SNTG1: variants seen among roughly 807,000 people sequenced by gnomAD.
SNTG1 encodes the protein syntrophin gamma 1, also known as gamma-1-syntrophin.
SNTG1 carries 39 observed loss-of-function variants against 74.7 expected under a neutral mutation model. That is an observed-to-expected ratio of 0.52 (90% CI 0.40 to 0.68). The LOEUF is 0.68. SNTG1 is among the 30% of genes least tolerant of loss of function. The probability of loss-of-function intolerance (pLI) is 0.00; values close to 1 mark genes in which losing one functional copy is unlikely to be tolerated. For missense variants in SNTG1, 685 were observed against 609.5 expected, an observed-to-expected ratio of 1.12 and a Z score of -1.30; for synonymous variants, 254 against 217.1, an observed-to-expected ratio of 1.17 and a Z score of -1.49.
intron 2 of SNTG1, among the ~76,000 whole-genome samples, chr8:50,369,209 G>A (rs1445880103): frequency 6.6e-6 from 1 of 152,178 alleles, no homozygotes; most frequent in African/African-American, 2.4e-5. Flanking sequence ...CCCCTAATGT[G>A]ACTGTATTTC....
intron 2 of SNTG1, among the ~76,000 whole-genome samples, chr8:50,385,248 G>C (rs1236416326): frequency 6.6e-6 from 1 of 152,168 alleles, no homozygotes; most frequent in Non-Finnish European, 1.5e-5. Flanking sequence ...AGCTTTTTGA[G>C]TCACTTCTCT....
intron 2 of SNTG1, among the ~76,000 whole-genome samples, chr8:50,323,047 C>T (rs753662835): frequency 2.0e-5 from 3 of 147,874 alleles, no homozygotes; most frequent in South Asian, 2.1e-4. Flanking sequence ...ACCTGGGAAA[C>T]GGAGGTTGCA....
At chr8:50,033,119 G>GTTT (rs369907743) in intron 1 of SNTG1, among the ~76,000 whole-genome samples, 10 of 141,516 alleles carry the variant, frequency 7.1e-5, no homozygotes, top group African/African-American at 1.8e-4. Context: ...AATAAAAAGT[G>GTTT]TTTTTTTTTT....
intron 2 of SNTG1, among the ~76,000 whole-genome samples, chr8:50,279,457 T>G (rs886724050): frequency 5.3e-5 from 8 of 152,196 alleles, no homozygotes; most frequent in African/African-American, 1.9e-4. Context: ...ACAGACTGAA[T>G]AAGTAGAACA....
At chr8:50,302,538 T>G (rs1436724861) in intron 2 of SNTG1, among the ~76,000 whole-genome samples, 1 of 152,194 alleles carries the variant, frequency 6.6e-6, no homozygotes. Flanking sequence ...CTCCAAATGT[T>G]CTTACTGAGA....
chr8:50,425,020 A>C (rs1481468), intron 4 of SNTG1, among the ~76,000 whole-genome samples: 92,937 of 152,012 alleles, frequency 0.61, 32,695 homozygotes, highest in East Asian at 0.83. Context: ...AGAAATCAAT[A>C]GTTTTTTTCC....
At chr8:50,482,778 A>G (rs2093752059) in intron 8 of SNTG1, among the ~76,000 whole-genome samples, 1 of 152,170 alleles carries the variant, frequency 6.6e-6, no homozygotes, top group East Asian at 1.9e-4. Context: ...AACTATGCCT[A>G]ATATATGGCC....
Position 50,536,642 on chromosome 8 carries a change from G to T in SNTG1, c.550-36G>T, listed in dbSNP as rs372594121. ...AGATACAGAAACTCAAAGCACAGAA[G>T]AAAAAAATTACGTTGAATATTTATC... is the stretch of plus-strand genomic sequence containing the variant. On this transcript the variant is annotated intron_variant, in intron 10 of 18. Coordinates refer to ENST00000642720, the MANE Select transcript of SNTG1 (RefSeq NM_018967.5). The T allele has an allele frequency of 6.2e-6, 10 of 1,603,494 alleles. No individual in the cohort carries two copies. The African/African-American group carries it at 1.3e-4, about 21-fold the overall frequency.
chr8:50,081,918 A>T (rs1401314905), intron 1 of SNTG1, among the ~76,000 whole-genome samples: 1 of 152,200 alleles, frequency 6.6e-6, no homozygotes, highest in Admixed American at 6.5e-5. Context: ...GGCGTGAGCC[A>T]TTGCACCCAG....
intron 4 of SNTG1, among the ~76,000 whole-genome samples, chr8:50,427,429 T>C (rs2093177243): frequency 1.3e-5 from 2 of 152,146 alleles, no homozygotes; most frequent in African/African-American, 4.8e-5. Flanking sequence ...ATATACACTT[T>C]TTTTATTTTT....
chr8:49,919,528 T>C (rs1030598003), intron 1 of SNTG1, among the ~76,000 whole-genome samples: 1 of 152,122 alleles, frequency 6.6e-6, no homozygotes, highest in South Asian at 2.1e-4. Flanking sequence ...AGTGGGCTCA[T>C]TGGCTTGTTG....
At chr8:50,561,447 C>A (rs539590831) in intron 12 of SNTG1, among the ~76,000 whole-genome samples, 10 of 152,138 alleles carry the variant, frequency 6.6e-5, no homozygotes, top group African/African-American at 2.4e-4. Context: ...AAATACAGTG[C>A]AAACCATAAA....
chr8:50,452,609 A>G (rs2093467619), intron 8 of SNTG1, among the ~76,000 whole-genome samples: 1 of 152,244 alleles, frequency 6.6e-6, no homozygotes, highest in African/African-American at 2.4e-5. Context: ...GAACGCACCA[A>G]TAATTCCACT....
intron 2 of SNTG1, among the ~76,000 whole-genome samples, chr8:50,173,388 T>C (rs1184135049): frequency 6.6e-6 from 1 of 152,160 alleles, no homozygotes; most frequent in African/African-American, 2.4e-5. Context: ...GTCCTTACAG[T>C]CCAAGGACTT....
At chr8:50,379,947 C>A (rs1231422920) in intron 2 of SNTG1, among the ~76,000 whole-genome samples, 2 of 152,166 alleles carry the variant, frequency 1.3e-5, no homozygotes, top group Non-Finnish European at 2.9e-5. Flanking sequence ...TTCTGCCTGG[C>A]AGGAGCTTGG....
chr8:50,726,732 C>G (rs547838171), intron 17 of SNTG1, among the ~76,000 whole-genome samples: 2 of 152,182 alleles, frequency 1.3e-5, no homozygotes, highest in Non-Finnish European at 1.5e-5. Context: ...GCCTGTAGTC[C>G]CAGCTACTGA....
At chr8:50,466,502 T>G (rs1283820194) in intron 8 of SNTG1, among the ~76,000 whole-genome samples, 1 of 152,058 alleles carries the variant, frequency 6.6e-6, no homozygotes, top group Non-Finnish European at 1.5e-5. Context: ...TCTTTCCCAA[T>G]ATTCTGTTGC....
At position 50,039,452 on chromosome 8, in the gene SNTG1, C is replaced by A. The variant is rs1204567394; in HGVS notation, c.-103+127221C>A. On this transcript the variant is annotated intron_variant, in intron 1 of 18. Coordinates refer to ENST00000642720, the MANE Select transcript of SNTG1 (RefSeq NM_018967.5). The stretch of plus-strand genomic sequence containing the variant: ...CCTGGGTGACAGAGCAAGACTCCGT[C>A]TCAAAAAAAAAAAAAAAAAAAAAAA... Among the ~76,000 whole-genome samples, 8 of 58,052 alleles carry A rather than the reference C, an allele frequency of 1.4e-4. No homozygotes were observed. In the Admixed American group the frequency reaches 1.6e-3, roughly 12 times the overall value. The allele number at this position is 58,052 out of a possible 152,430, so 38.1% of individuals were successfully genotyped here.
chr8:50,285,520 G>A (rs2088719896), intron 2 of SNTG1, among the ~76,000 whole-genome samples: 1 of 152,028 alleles, frequency 6.6e-6, no homozygotes, highest in Non-Finnish European at 1.5e-5. Context: ...ACAAAAGAGG[G>A]TATCTTCTTT....
Sources: allele counts gnomAD v4.1 joint callset (sites outside exome capture counted in the v4.1 genomes callset), GRCh38; gene constraint gnomAD v4.1.1; transcripts MANE v1.5; gene names NCBI Gene and HGNC (gene_info 2026-07-23, HGNC 2026-07-21).